ANK2: variants seen among roughly 807,000 people sequenced by gnomAD.
ANK2 encodes ankyrin-2.
Under a neutral mutation model 360.5 loss-of-function variants are expected in ANK2, and 83 were observed. The observed-to-expected ratio is 0.23, with a 90% CI of 0.19 to 0.28. The LOEUF (loss-of-function observed/expected upper bound fraction) is 0.28, where lower values mean the gene tolerates loss of function less well. Ranked by LOEUF, ANK2 falls within the 10% of genes least tolerant of loss-of-function variation. The pLI is 1.00. For missense variants in ANK2, 4,201 were observed against 4,795.7 expected, an observed-to-expected ratio of 0.88 and a Z score of 3.66; for synonymous variants, 1,740 against 1,759.5, an observed-to-expected ratio of 0.99 and a Z score of 0.28.
intron 28 of ANK2, 163 bp from the exon 29 acceptor site, chr4:113,332,891 A>G: frequency 1.1e-6 from 1 of 914,402 alleles, no homozygotes; most frequent in East Asian, 2.5e-5. Flanking sequence ...GTGGAGTGCT[A>G]CTGTGTGACC....
intron 1 of ANK2, among the ~76,000 whole-genome samples, chr4:113,170,524 A>G (rs1489626219): frequency 2.0e-5 from 3 of 152,232 alleles, no homozygotes; most frequent in Non-Finnish European, 2.9e-5. Context: ...TAGGGTAGCC[A>G]TGTAGAGGAC....
At chr4:113,013,681 A>G (rs1279065130) in intron 2 of ANK2, among the ~76,000 whole-genome samples, 1 of 152,180 alleles carries the variant, frequency 6.6e-6, no homozygotes, top group Non-Finnish European at 1.5e-5. Flanking sequence ...ACTTTACATT[A>G]TATTTTCAAA....
At chr4:112,787,711 A>G in the ANK2 span, among the ~76,000 whole-genome samples, 2 of 152,118 alleles carry the variant, frequency 1.3e-5, no homozygotes, top group Non-Finnish European at 2.9e-5. Flanking sequence ...AATGAGTAGC[A>G]CCACTGTCAT....
At chr4:112,732,768 A>G in the ANK2 span, among the ~76,000 whole-genome samples, 1 of 152,168 alleles carries the variant, frequency 6.6e-6, no homozygotes, top group Admixed American at 6.5e-5. Context: ...AAGAGCATGA[A>G]TCTATGCTTC....
At chr4:112,723,858 T>A in the ANK2 span, among the ~76,000 whole-genome samples, 1 of 139,478 alleles carries the variant, frequency 7.2e-6, no homozygotes, top group Non-Finnish European at 1.6e-5. Context: ...TTTGACAGAA[T>A]TTATTCTTTA....
Position 113,230,985 on chromosome 4 carries a change from A to G in ANK2, c.385-1176A>G, listed in dbSNP as rs547021752. ...AATGGCTTTAAAAAACAATATAAAG[A>G]TGTTCCATATAAACCATGCTGCCTC... On this transcript the variant is annotated intron_variant, in intron 4 of 45. Coordinates refer to ENST00000357077, the MANE Select transcript of ANK2 (RefSeq NM_001148.6). Among the ~76,000 whole-genome samples the G allele has an allele frequency of 1.2e-4, 18 of 152,086 alleles. 1 individual carries two copies. In the South Asian group the frequency reaches 3.5e-3, roughly 30 times the overall value.
chr4:112,792,927 T>G, the ANK2 span, among the ~76,000 whole-genome samples: 2 of 152,316 alleles, frequency 1.3e-5, no homozygotes, highest in African/African-American at 4.8e-5. Flanking sequence ...TTATAGCATC[T>G]TTTGGAAATG....
chr4:113,151,661 A>G lies in ANK2; in HGVS notation c.85-22755A>G, dbSNP rs75370259. On this transcript the variant is annotated intron_variant, in intron 1 of 45. Coordinates refer to ENST00000357077, the MANE Select transcript of ANK2 (RefSeq NM_001148.6). ...AATATGGAAACCACAGCATTGGTAT[A>G]AAATATATGTATAAAACATATTTAC... Among the ~76,000 whole-genome samples, 1,440 of 152,298 alleles carry G rather than the reference A, an allele frequency of 9.5e-3. 30 individuals carry two copies. Among genetic ancestry groups the G allele is most frequent in the African/African-American group, 0.032 (1,332 of 41,556 alleles).
chr4:112,763,116 C>T, the ANK2 span, among the ~76,000 whole-genome samples: 1 of 152,256 alleles, frequency 6.6e-6, no homozygotes, highest in East Asian at 1.9e-4. Context: ...AGAGTGGGGG[C>T]TGGGCGCGGT....
At chr4:113,121,912 T>C (rs911958292) in intron 1 of ANK2, among the ~76,000 whole-genome samples, 1 of 152,174 alleles carries the variant, frequency 6.6e-6, no homozygotes, top group Non-Finnish European at 1.5e-5. Context: ...TTGATAGCAA[T>C]GATAATACTT....
intron 1 of ANK2, among the ~76,000 whole-genome samples, chr4:112,831,734 C>A (rs1266806287): frequency 6.6e-6 from 1 of 152,158 alleles, no homozygotes; most frequent in Non-Finnish European, 1.5e-5. Context: ...GATGCTCAGT[C>A]TTTGGGTCCA....
chr4:113,357,434 G>A lies in ANK2; in HGVS notation c.8816G>A (p.Ser2939Asn), dbSNP rs2095864427. The A allele has an allele frequency of 1.2e-6, 2 of 1,613,990 alleles. No individual in the cohort carries two copies. The highest frequency in any genetic ancestry group is 1.7e-6 in the Non-Finnish European group (2 of 1,179,960). The change falls in exon 38 of 46, where the codon AGT becomes AAT. Residue 2939 changes from serine to asparagine, a missense_variant. Transcript: ENST00000357077. ...ENVPSQSFFS[S>N]EESKTQTDAN... ...GTCCCTTCCCAATCTTTTTTCTCTA[G>A]TGAAGAAAGCAAAACCCAAACAGAT...
the ANK2 span, among the ~76,000 whole-genome samples, chr4:112,782,119 C>T: frequency 3.9e-5 from 6 of 152,122 alleles, no homozygotes; most frequent in African/African-American, 1.2e-4. Context: ...TGAGCCACCG[C>T]GCCCAGCCTG....
intron 1 of ANK2, among the ~76,000 whole-genome samples, chr4:113,112,448 T>A (rs2094393484): frequency 6.6e-6 from 1 of 152,100 alleles, no homozygotes. Context: ...TGTATGGAAA[T>A]GTCTTTTGCT....
chr4:113,242,075 A>T (rs2153572939), intron 8 of ANK2, 36 bp from the exon 9 acceptor site: 1 of 1,559,946 alleles, frequency 6.4e-7, no homozygotes, highest in Non-Finnish European at 8.8e-7. Context: ...GCCCTGTCAT[A>T]CCCAACAGCT....
chr4:113,039,537 T>C (rs1442214059), intron 2 of ANK2, among the ~76,000 whole-genome samples: 1 of 152,060 alleles, frequency 6.6e-6, no homozygotes, highest in East Asian at 1.9e-4. Flanking sequence ...TTACATATTT[T>C]TTTTTTCTCA....
chr4:112,868,098 C>T (rs1387461469), intron 1 of ANK2, among the ~76,000 whole-genome samples: 1 of 152,144 alleles, frequency 6.6e-6, no homozygotes, highest in African/African-American at 2.4e-5. Flanking sequence ...TATCCACCCT[C>T]TCTGTGTGAA....
At chr4:112,989,452 G>A (rs777703057) in intron 2 of ANK2, among the ~76,000 whole-genome samples, 6 of 152,094 alleles carry the variant, frequency 3.9e-5, no homozygotes, top group Non-Finnish European at 8.8e-5. Context: ...ATTTTTAGTG[G>A]TGTTTTATAT....
rs753102215 is a variant in ANK2 at position 113,359,245 on chromosome 4, A to G, written c.10627A>G (p.Ile3543Val). The change falls in exon 38 of 46, where the codon ATT (isoleucine) becomes GTT (valine). Residue 3543 changes from isoleucine (I) to valine (V), a missense_variant. By Grantham distance (29) the Ile-to-Val change is conservative. Around this residue, in one of 4 missense-constraint regions of ANK2, gnomAD observed 2,642 missense variants for 2,714.5 expected, o/e 0.97. Transcript: ENST00000357077. The stretch of plus-strand genomic sequence containing the variant: ...CACAAGGCCCATTTGGGATGAGTCT[A>G]TTGAGACTCTGATTGAACGCATCCC... ...FDTRPIWDES[I>V]ETLIERIPDE... The G allele has an allele frequency of 3.3e-5, 53 of 1,613,820 alleles. No individual in the cohort carries two copies. The highest frequency in any genetic ancestry group is 2.1e-4 in the African/African-American group (16 of 74,926).
Sources: gnomAD v4.1 joint callset for allele counts (sites outside exome capture counted in the v4.1 genomes callset) on GRCh38, gnomAD v4.1.1 for gene constraint, gnomAD v4.1.1 regional missense constraint, MANE v1.5 for transcripts, NCBI Gene and HGNC (gene_info 2026-07-23, HGNC 2026-07-21) for gene names.